Variants in CTNNA3 observed in about 807,000 individuals in gnomAD.
CTNNA3 encodes the protein catenin alpha 3, also known as catenin alpha-3.
A neutral mutation model predicts 95.7 loss-of-function variants in CTNNA3; 76 were observed. The observed-to-expected ratio is 0.79, with a 90% CI of 0.66 to 0.96. The LOEUF (loss-of-function observed/expected upper bound fraction) is 0.96. CTNNA3 is among the 40% of genes least tolerant of loss of function. The pLI is 0.00. For missense variants in CTNNA3, 1,191 were observed against 1,089.8 expected, an observed-to-expected ratio of 1.09 and a Z score of -1.31; for synonymous variants, 431 against 374.4, an observed-to-expected ratio of 1.15 and a Z score of -1.74.
intron 5 of CTNNA3, among the ~76,000 whole-genome samples, chr10:67,383,938 C>G (rs1205816487): frequency 6.6e-6 from 1 of 152,152 alleles, no homozygotes; most frequent in Admixed American, 6.5e-5. Context: ...ATCAAACCAG[C>G]TTTCTTGATT....
chr10:66,406,649 C>A (rs1048240504), intron 11 of CTNNA3, among the ~76,000 whole-genome samples: 3 of 152,190 alleles, frequency 2.0e-5, no homozygotes, highest in Admixed American at 1.3e-4. Context: ...TACCTTCATT[C>A]TTATCAAAGA....
At chr10:67,087,255 G>T (rs1002619973) in intron 7 of CTNNA3, among the ~76,000 whole-genome samples, 3 of 152,078 alleles carry the variant, frequency 2.0e-5, no homozygotes, top group South Asian at 2.1e-4. Flanking sequence ...AACACAGAAG[G>T]GTCCAGGGAA....
intron 5 of CTNNA3, among the ~76,000 whole-genome samples, chr10:67,372,613 G>T (rs1429455337): frequency 6.6e-6 from 1 of 152,080 alleles, no homozygotes; most frequent in African/African-American, 2.4e-5. Flanking sequence ...TCAAATTCAG[G>T]ATATACAGAG....
chr10:66,999,500 A>C (rs1851557313), intron 7 of CTNNA3, among the ~76,000 whole-genome samples: 1 of 150,420 alleles, frequency 6.6e-6, no homozygotes, highest in Non-Finnish European at 1.5e-5. Flanking sequence ...TATGCCATAA[A>C]ATCCATTCTT....
intron 13 of CTNNA3, among the ~76,000 whole-genome samples, chr10:66,264,706 G>A (rs1185115853): frequency 6.6e-6 from 1 of 151,932 alleles, no homozygotes; most frequent in Non-Finnish European, 1.5e-5. Flanking sequence ...GGACAGTGCA[G>A]CTCTAGTATA....
At chr10:67,148,784 G>C (rs934046117) in intron 7 of CTNNA3, among the ~76,000 whole-genome samples, 2 of 152,128 alleles carry the variant, frequency 1.3e-5, no homozygotes, top group African/African-American at 4.8e-5. Context: ...TTGTAATAAA[G>C]CTTGCAGTAA....
Position 66,841,472 on chromosome 10 carries a change from T to C in CTNNA3, c.1048-65948A>G, listed in dbSNP as rs111570097. On this transcript the variant is annotated intron_variant, in intron 7 of 17. Coordinates refer to ENST00000433211, the MANE Select transcript of CTNNA3 (RefSeq NM_013266.4). ...GATGATTGACAATGCTTATGTTAAA[T>C]GAACTTATTTTGGAAAAAGTAGCTG... Among the ~76,000 whole-genome samples, 1,219 of 152,332 alleles carry C rather than the reference T, an allele frequency of 8.0e-3. 25 individuals carry two copies. Among genetic ancestry groups the C allele is most frequent in the African/African-American group, 0.027 (1,126 of 41,582 alleles).
chr10:66,360,810 TTCC>T, intron 12 of CTNNA3, among the ~76,000 whole-genome samples: 1 of 79,468 alleles, frequency 1.3e-5, no homozygotes. Context: ...CCTTCCTTCC[TTCC>T]TTCCTTTCTT....
intron 11 of CTNNA3, among the ~76,000 whole-genome samples, chr10:66,428,933 A>G (rs2093269691): frequency 6.6e-6 from 1 of 152,102 alleles, no homozygotes; most frequent in Non-Finnish European, 1.5e-5. Context: ...TAGAGACACA[A>G]AAAACCCTTC....
At chr10:66,207,405 G>A (rs2087831796) in intron 13 of CTNNA3, among the ~76,000 whole-genome samples, 1 of 151,820 alleles carries the variant, frequency 6.6e-6, no homozygotes, top group Non-Finnish European at 1.5e-5. Context: ...AGAAAGAAGT[G>A]TTTCTTTTTG....
chr10:66,596,915 C>T (rs2132245428), intron 10 of CTNNA3, among the ~76,000 whole-genome samples: 1 of 151,680 alleles, frequency 6.6e-6, no homozygotes, highest in East Asian at 1.9e-4. Context: ...CCAGAGAACA[C>T]AGATAGATAC....
At chr10:67,357,057 C>T (rs1297515513) in intron 5 of CTNNA3, among the ~76,000 whole-genome samples, 9 of 152,238 alleles carry the variant, frequency 5.9e-5, no homozygotes, top group Non-Finnish European at 1.0e-4. Context: ...TCTCTACCAT[C>T]CTCACTATAA....
At chr10:67,355,760 C>T (rs1049335031) in intron 5 of CTNNA3, among the ~76,000 whole-genome samples, 5 of 151,918 alleles carry the variant, frequency 3.3e-5, no homozygotes, top group African/African-American at 7.2e-5. Flanking sequence ...GTTTTCAAAC[C>T]GTTTAAAAAT....
chr10:66,539,341 A>G (rs987861731), intron 10 of CTNNA3, among the ~76,000 whole-genome samples: 2 of 152,262 alleles, frequency 1.3e-5, no homozygotes, highest in African/African-American at 2.4e-5. Flanking sequence ...CTACATTTAC[A>G]TAAGATTAAT....
intron 7 of CTNNA3, among the ~76,000 whole-genome samples, chr10:67,111,620 C>T (rs185409994): frequency 6.6e-6 from 1 of 151,742 alleles, no homozygotes; most frequent in African/African-American, 2.4e-5. Context: ...TTTTGTCAAA[C>T]CAATATGTGT....
intron 2 of CTNNA3, 58 bp downstream of exon 2, chr10:67,647,357 C>T: frequency 8.5e-7 from 1 of 1,177,510 alleles, no homozygotes; most frequent in Non-Finnish European, 1.2e-6. Context: ...TCATTTTTCC[C>T]ACATATTTTT....
chr10:65,988,592 G>T, intron 16 of CTNNA3, 100 bp downstream of exon 16: 4 of 798,838 alleles, frequency 5.0e-6, no homozygotes, highest in South Asian at 3.5e-5. Flanking sequence ...TAGAAAAAAT[G>T]GTTGAAGAGA....
At chr10:67,650,207 C>A (rs1839837442) in intron 1 of CTNNA3, among the ~76,000 whole-genome samples, 1 of 152,150 alleles carries the variant, frequency 6.6e-6, no homozygotes, top group Non-Finnish European at 1.5e-5. Flanking sequence ...TCAAGAATAC[C>A]TTCTACACAA....
intron 15 of CTNNA3, among the ~76,000 whole-genome samples, chr10:66,007,011 G>A (rs1269777270): frequency 1.3e-5 from 2 of 151,974 alleles, no homozygotes; most frequent in Admixed American, 6.6e-5. Context: ...GCTGATCTTT[G>A]GCATGCCCCC....
Sources: allele counts gnomAD v4.1 joint callset (sites outside exome capture counted in the v4.1 genomes callset), GRCh38; gene constraint gnomAD v4.1.1; transcripts MANE v1.5; gene names NCBI Gene and HGNC (gene_info 2026-07-23, HGNC 2026-07-21).